RAB31: variants seen among roughly 807,000 people sequenced by gnomAD.
RAB31 encodes the protein RAB31, member RAS oncogene family.
Under a neutral mutation model 25.6 loss-of-function variants are expected in RAB31, and 21 were observed. The ratio of observed to expected loss-of-function variants is 0.82; its 90% confidence interval spans 0.58 to 1.18. The LOEUF (loss-of-function observed/expected upper bound fraction) is 1.18, where lower values mean the gene tolerates loss of function less well. Among genes scored for constraint, RAB31 ranks in the 50% most tolerant of loss-of-function variants. The pLI, the probability that RAB31 is intolerant of heterozygous loss-of-function variation, is 0.00. For synonymous variants in RAB31, 87 were observed against 84.0 expected, an observed-to-expected ratio of 1.04 and a Z score of -0.20; for missense variants, 196 against 250.1, an observed-to-expected ratio of 0.78 and a Z score of 1.46.
intron 5 of RAB31, among the ~76,000 whole-genome samples, chr18:9,821,921 C>T (rs2068626232): frequency 6.6e-6 from 1 of 152,174 alleles, no homozygotes; most frequent in Admixed American, 6.5e-5. Flanking sequence ...AAATTTTTGT[C>T]AAATCTTAGC....
intron 5 of RAB31, chr18:9,830,535 G>C (rs1017166795): frequency 4.6e-5 from 7 of 151,746 alleles, no homozygotes; most frequent in African/African-American, 1.5e-4. Context: ...GATTGACATA[G>C]TGCACTACAA....
Position 9,861,548 on chromosome 18 carries a change from G to A in RAB31, c.*2223G>A, listed in dbSNP as rs990494590. 2.0e-5 allele frequency: 3 copies of A among 152,144 alleles called. No individual in the cohort carries two copies. Among genetic ancestry groups the A allele is most frequent in the African/African-American group, 7.2e-5 (3 of 41,412 alleles). The allele number at this position is 152,144 out of a possible 1,614,324, so 9.4% of individuals were successfully genotyped here. On this transcript the variant is annotated 3_prime_UTR_variant, in exon 7 of 7. Coordinates refer to ENST00000578921, the MANE Select transcript of RAB31 (RefSeq NM_006868.4). ...ACATAAACATTGTATCTTCTCTGTG[G>A]ATGCTCAGGCCTTGTCTACAATGAG...
At chr18:9,816,105 A>G (rs903649209) in intron 5 of RAB31, 2 of 130,692 alleles carry the variant, frequency 1.5e-5, no homozygotes, top group Admixed American at 8.0e-5. Context: ...GCTGTCCTCC[A>G]TCCCTGAGTG....
chr18:9,730,566 G>T (rs7236809), intron 1 of RAB31, among the ~76,000 whole-genome samples: 36,510 of 152,076 alleles, frequency 0.24, 5,191 homozygotes, highest in African/African-American at 0.38. Flanking sequence ...GGGATTATAG[G>T]CATGAGCCAC....
At chr18:9,742,067 ACTGT>A (rs542504740) in intron 1 of RAB31, among the ~76,000 whole-genome samples, 24 of 152,274 alleles carry the variant, frequency 1.6e-4, no homozygotes, top group African/African-American at 5.8e-4. Context: ...AGTTGAGTTG[ACTGT>A]CACTGTTGTC....
chr18:9,723,585 G>T (rs1403702165), intron 1 of RAB31: 2 of 152,126 alleles, frequency 1.3e-5, no homozygotes, highest in East Asian at 1.9e-4. Context: ...AATATATAAA[G>T]AAATTGGCTC....
intron 1 of RAB31, among the ~76,000 whole-genome samples, chr18:9,737,149 A>G (rs1003005217): frequency 6.6e-6 from 1 of 152,210 alleles, no homozygotes; most frequent in African/African-American, 2.4e-5. Flanking sequence ...CCCTGCGACA[A>G]GGTCAAGCCC....
intron 1 of RAB31, among the ~76,000 whole-genome samples, chr18:9,714,872 C>T (rs114374172): frequency 1.2e-3 from 187 of 152,280 alleles, no homozygotes; most frequent in African/African-American, 4.1e-3. Context: ...GCCCACCATG[C>T]GGAACAGAAG....
At chr18:9,841,046 A>G (rs964991637) in intron 5 of RAB31, among the ~76,000 whole-genome samples, 1 of 152,106 alleles carries the variant, frequency 6.6e-6, no homozygotes, top group Non-Finnish European at 1.5e-5. Flanking sequence ...TTCCCATCTC[A>G]GTAGCTCCTG....
At chr18:9,767,289 C>G (rs1482374313) in intron 1 of RAB31, among the ~76,000 whole-genome samples, 1 of 152,146 alleles carries the variant, frequency 6.6e-6, no homozygotes, top group Non-Finnish European at 1.5e-5. Flanking sequence ...TCTTATTTAA[C>G]TACATTCTGA....
intron 5 of RAB31, among the ~76,000 whole-genome samples, chr18:9,821,567 A>G (rs568271641): frequency 1.3e-5 from 2 of 152,242 alleles, no homozygotes; most frequent in South Asian, 4.1e-4. Context: ...CAAAGAATCT[A>G]CCAAAAAAGT....
chr18:9,717,874 A>G (rs958227752), intron 1 of RAB31, among the ~76,000 whole-genome samples: 2 of 152,190 alleles, frequency 1.3e-5, no homozygotes, highest in Admixed American at 6.5e-5. Context: ...AGGTTAATTA[A>G]GAAAGTTTTA....
chr18:9,836,339 C>T (rs1251761522), intron 5 of RAB31, among the ~76,000 whole-genome samples: 5 of 152,084 alleles, frequency 3.3e-5, no homozygotes, highest in Non-Finnish European at 7.4e-5. Flanking sequence ...CATGTATGAA[C>T]CACCAGAGAA....
chr18:9,820,440 A>G (rs1361383105), intron 5 of RAB31, among the ~76,000 whole-genome samples: 3 of 152,014 alleles, frequency 2.0e-5, no homozygotes, highest in Admixed American at 6.6e-5. Flanking sequence ...TATATTCATA[A>G]AGGGTTTTAG....
chr18:9,749,413 G>T (rs1222091808), intron 1 of RAB31, among the ~76,000 whole-genome samples: 4 of 152,186 alleles, frequency 2.6e-5, no homozygotes, highest in African/African-American at 9.7e-5. Flanking sequence ...TTTAAGTTCT[G>T]TGTGTCTGAT....
intron 5 of RAB31, among the ~76,000 whole-genome samples, chr18:9,836,958 A>T (rs576284040): frequency 6.6e-6 from 1 of 150,458 alleles, no homozygotes; most frequent in Non-Finnish European, 1.5e-5. Context: ...GGTGAAATAG[A>T]TGGGAAGAGT....
rs575639106 is a variant in RAB31 at position 9,813,930 on chromosome 18, G to A, written c.202-90G>A. On this transcript the variant is annotated intron_variant, in intron 3 of 6. Transcript: ENST00000578921. ...GGGAAGGAATTTAGGGATCCTGTAA[G>A]GATGATGTAGGATAAAACGTTTATG... 777 of 804,124 alleles carry A rather than the reference G, an allele frequency of 9.7e-4. 3 individuals carry two copies. The highest frequency in any genetic ancestry group is 2.9e-3 in the South Asian group (179 of 61,172). The allele number at this position is 804,124 out of a possible 1,614,324, so 49.8% of individuals were successfully genotyped here.
At chr18:9,765,332 G>C (rs897359022) in intron 1 of RAB31, among the ~76,000 whole-genome samples, 8 of 152,160 alleles carry the variant, frequency 5.3e-5, no homozygotes, top group Non-Finnish European at 8.8e-5. Flanking sequence ...AACAGGCCTG[G>C]AGTTGCATTT....
rs571281797 is a variant in RAB31 at position 9,824,129 on chromosome 18, A to C, written c.380+8907A>C. 4.9e-4 allele frequency among the ~76,000 whole-genome samples: 75 copies of C among 152,268 alleles called. 1 individual carries two copies. The highest frequency in any genetic ancestry group is 1.5e-3 in the African/African-American group (63 of 41,564). On this transcript the variant is annotated intron_variant, in intron 5 of 6. Coordinates refer to ENST00000578921, the MANE Select transcript of RAB31 (RefSeq NM_006868.4). ...CTTTGCTCTCCTGTAATTCCCAGAA[A>C]ACTGTATTTGATTTTTAACTGAGGG...
Sources: allele counts gnomAD v4.1 joint callset (sites outside exome capture counted in the v4.1 genomes callset), GRCh38; gene constraint gnomAD v4.1.1; transcripts MANE v1.5; gene names NCBI Gene and HGNC (gene_info 2026-07-23, HGNC 2026-07-21).